CA10: variants seen among roughly 807,000 people sequenced by gnomAD.
The protein encoded by CA10 is carbonic anhydrase 10 (inactive), also known as carbonic anhydrase-related protein 10.
Under a neutral mutation model 44.2 loss-of-function variants are expected in CA10, and 14 were observed. That is an observed-to-expected ratio of 0.32 (90% confidence interval 0.21 to 0.50). CA10 has a LOEUF of 0.50. Ranked by LOEUF, CA10 falls within the 20% of genes least tolerant of loss-of-function variation. The probability of loss-of-function intolerance (pLI) is 0.99; values close to 1 mark genes in which losing one functional copy is unlikely to be tolerated. For synonymous variants in CA10, 159 were observed against 141.6 expected (o/e 1.12, Z -0.87); for missense variants, 350 against 409.7 (o/e 0.85, Z 1.26).
At chr17:52,107,980 C>G (rs1988696075) in intron 1 of CA10, among the ~76,000 whole-genome samples, 1 of 151,908 alleles carries the variant, frequency 6.6e-6, no homozygotes, top group African/African-American at 2.4e-5. Context: ...TAGCAATAAT[C>G]TGGCCTAGGG....
intron 2 of CA10, among the ~76,000 whole-genome samples, chr17:51,994,677 A>C (rs1985166412): frequency 6.6e-6 from 1 of 152,114 alleles, no homozygotes; most frequent in African/African-American, 2.4e-5. Flanking sequence ...AACTATATAC[A>C]TATAGACCAA....
chr17:51,934,361 C>T (rs775898097), intron 2 of CA10, among the ~76,000 whole-genome samples: 6 of 80,114 alleles, frequency 7.5e-5, no homozygotes, highest in Non-Finnish European at 1.8e-4. Flanking sequence ...GCCTCTGCTG[C>T]TCTAAACCCC....
chr17:51,631,612 A>G lies in CA10; in HGVS notation c.965-6T>C. The G allele has an allele frequency of 4.3e-6, 7 of 1,611,208 alleles. No individual in the cohort carries two copies. Among genetic ancestry groups the G allele is most frequent in the Non-Finnish European group, 5.9e-6 (7 of 1,177,710 alleles). ...CTTGAGGAGCCATTCATTTACTGCA[A>G]AGAGAGAGAAAGAAAAAAAAAATCA... is the stretch of plus-strand genomic sequence containing the variant. On this transcript the variant is annotated splice_region_variant and splice_polypyrimidine_tract_variant and intron_variant, in intron 8 of 8. Transcript: ENST00000451037.
intron 1 of CA10, among the ~76,000 whole-genome samples, chr17:52,094,600 C>T (rs965219555): frequency 5.3e-5 from 8 of 152,054 alleles, no homozygotes; most frequent in Non-Finnish European, 2.9e-5. Flanking sequence ...TATACTCATA[C>T]GGTATCCAGA....
At chr17:51,653,254 C>A (rs530268675) in intron 5 of CA10, among the ~76,000 whole-genome samples, 5 of 152,286 alleles carry the variant, frequency 3.3e-5, no homozygotes, top group African/African-American at 1.2e-4. Flanking sequence ...CCTATGTTTA[C>A]AAGGGGCAGC....
chr17:51,831,710 A>AGCGGCAGCG (rs1555604073), intron 3 of CA10, among the ~76,000 whole-genome samples: 15 of 102,906 alleles, frequency 1.5e-4, no homozygotes, highest in South Asian at 9.5e-4. Flanking sequence ...CAGCAGCAGC[A>AGCGGCAGCG]GCAGCAGCAG....
chr17:52,070,998 A>G (rs1044242146), intron 2 of CA10, among the ~76,000 whole-genome samples: 2 of 152,240 alleles, frequency 1.3e-5, no homozygotes, highest in African/African-American at 4.8e-5. Flanking sequence ...AACTTCTGAG[A>G]TATCTTGAAT....
At chr17:52,023,738 A>G (rs1216470003) in intron 2 of CA10, among the ~76,000 whole-genome samples, 1 of 151,800 alleles carries the variant, frequency 6.6e-6, no homozygotes, top group East Asian at 1.9e-4. Flanking sequence ...ACAAAGGCCT[A>G]CTATCCAGAA....
At chr17:51,691,465 A>G (rs1016192151) in intron 4 of CA10, among the ~76,000 whole-genome samples, 17 of 152,194 alleles carry the variant, frequency 1.1e-4, no homozygotes, top group Admixed American at 9.2e-4. Context: ...CATTTTGGAT[A>G]TCAACTTCTT....
At chr17:52,104,713 G>A (rs1988620069) in intron 1 of CA10, among the ~76,000 whole-genome samples, 1 of 152,132 alleles carries the variant, frequency 6.6e-6, no homozygotes, top group African/African-American at 2.4e-5. Flanking sequence ...AAGCACTGAG[G>A]GTACTGACTT....
intron 3 of CA10, among the ~76,000 whole-genome samples, chr17:51,784,236 T>C (rs1325598303): frequency 6.6e-6 from 1 of 152,098 alleles, no homozygotes; most frequent in African/African-American, 2.4e-5. Context: ...AACCCATGTA[T>C]GTGGAGGTGA....
Position 51,668,694 on chromosome 17 carries a change from C to A in CA10, c.466-14958G>T, listed in dbSNP as rs9892771. Among the ~76,000 whole-genome samples, 1,125 of 152,282 alleles carry A rather than the reference C, an allele frequency of 7.4e-3. 10 individuals are homozygous for A. Among genetic ancestry groups the A allele is most frequent in the African/African-American group, 0.025 (1,042 of 41,564 alleles). On this transcript the variant is annotated intron_variant, in intron 4 of 8. Transcript: ENST00000451037. ...GCCACACTTGAGGAGCCCTTCAGCC[C>A]GCTGCTGCACTGTGGGAGCCCCTCT...
In CA10 at chr17:51,815,473, A is replaced by G. The variant is rs538414126; in HGVS notation, c.280-67655T>C. ...AGTTCTCCTCTAATTCCTGGTACAGATAAAATTCATACAGTGAACTCCTCC... is the reference window on the plus strand; with the variant it reads ...AGTTCTCCTCTAATTCCTGGTACAGGTAAAATTCATACAGTGAACTCCTCC... On this transcript the variant is annotated intron_variant, in intron 3 of 8. Transcript: ENST00000451037. Among the ~76,000 whole-genome samples the G allele has an allele frequency of 9.9e-5, 15 of 152,240 alleles. No homozygotes were observed. In the South Asian group the frequency reaches 2.7e-3, roughly 27 times the overall value.
chr17:51,870,705 G>A (rs1010201526), intron 3 of CA10, among the ~76,000 whole-genome samples: 1 of 152,206 alleles, frequency 6.6e-6, no homozygotes, highest in Non-Finnish European at 1.5e-5. Context: ...CATCAAGGAA[G>A]CATTGGCACA....
intron 2 of CA10, among the ~76,000 whole-genome samples, chr17:51,986,190 A>G (rs1261358320): frequency 6.6e-6 from 1 of 152,164 alleles, no homozygotes; most frequent in Non-Finnish European, 1.5e-5. Context: ...TAGAGAACCC[A>G]GAAATAAACC....
chr17:51,978,759 G>A (rs1266107830), intron 2 of CA10, among the ~76,000 whole-genome samples: 1 of 151,882 alleles, frequency 6.6e-6, no homozygotes, highest in Non-Finnish European at 1.5e-5. Flanking sequence ...TTGCTCCATG[G>A]TTGCCTGAAT....
intron 4 of CA10, among the ~76,000 whole-genome samples, chr17:51,699,724 T>C (rs1915526257): frequency 6.6e-6 from 1 of 152,208 alleles, no homozygotes; most frequent in South Asian, 2.1e-4. Context: ...AACGGGGCAT[T>C]GCTGATCTTG....
intron 3 of CA10, 109 bp from the exon 4 acceptor site, chr17:51,747,927 T>C (rs1341223631): frequency 8.9e-6 from 7 of 788,270 alleles, no homozygotes; most frequent in Non-Finnish European, 1.4e-5. Context: ...GATGGGAAGA[T>C]GGGCTAAATC....
At chr17:51,949,880 G>A (rs1031353599) in intron 2 of CA10, among the ~76,000 whole-genome samples, 1 of 152,136 alleles carries the variant, frequency 6.6e-6, no homozygotes, top group African/African-American at 2.4e-5. Context: ...AAGCAACTCA[G>A]TCTAAGGCAG....
Sources: allele counts gnomAD v4.1 joint callset (sites outside exome capture counted in the v4.1 genomes callset), GRCh38; gene constraint gnomAD v4.1.1; transcripts MANE v1.5; gene names NCBI Gene and HGNC (gene_info 2026-07-23, HGNC 2026-07-21).